The following COL1A1 variants were observed in gnomAD, a reference collection of about 807,000 sequenced individuals.
COL1A1 encodes the protein collagen type I alpha 1 chain.
A neutral mutation model predicts 195.7 loss-of-function variants in COL1A1; 21 were observed. That is an observed-to-expected ratio of 0.11 (90% CI 0.08 to 0.15). The LOEUF (loss-of-function observed/expected upper bound fraction) is 0.15, where lower values mean the gene tolerates loss of function less well. Ranked by LOEUF, COL1A1 falls within the 10% of genes least tolerant of loss-of-function variation. The probability of loss-of-function intolerance (pLI) is 1.00; values close to 1 mark genes in which losing one functional copy is unlikely to be tolerated. For synonymous variants in COL1A1, 749 were observed against 747.3 expected, an observed-to-expected ratio of 1.00 and a Z score of -0.04; for missense variants, 1,365 against 2,051.0, an observed-to-expected ratio of 0.67 and a Z score of 6.46.
chr17:50,200,083 T>A, intron 1 of COL1A1, 136 bp from the exon 2 acceptor site: 1 of 994,442 alleles, frequency 1.0e-6, no homozygotes, highest in Non-Finnish European at 1.6e-6. Flanking sequence ...CTCAAATCCT[T>A]AAAAGCTCGC....
rs1366264998 is a variant in COL1A1 at position 50,190,800 on chromosome 17, G to A, written c.2343+17C>T. ...GGCTATGTGTTAGGGCAGAAGGTGG[G>A]GAGGCGGCCACCTCACCTTGTCACC... On this transcript the variant is annotated intron_variant, in intron 33 of 50. Coordinates refer to ENST00000225964, the MANE Select transcript of COL1A1 (RefSeq NM_000088.4). This position sits in a 1 kb window ranked among gnomAD's most constrained non-coding sequence, Gnocchi z 4.7. 6.2e-7 allele frequency: 1 copy of A among 1,600,840 alleles called. No homozygotes were observed. The highest frequency in any genetic ancestry group is 8.6e-7 in the Non-Finnish European group (1 of 1,168,038).
chr17:50,188,085 A>G lies in COL1A1; in HGVS notation c.3261+11T>C, dbSNP rs1302900837. 1 of 1,611,832 alleles carries G rather than the reference A, an allele frequency of 6.2e-7. No individual in the cohort carries two copies. The highest frequency in any genetic ancestry group is 8.5e-7 in the Non-Finnish European group (1 of 1,178,886). On this transcript the variant is annotated intron_variant, in intron 44 of 50. Transcript: ENST00000225964. The surrounding 1 kb of genome is among the most constrained non-coding windows in gnomAD (Gnocchi z 5.6). The stretch of plus-strand genomic sequence containing the variant: ...GTTCTAAAGGCATGGGGGACACAGC[A>G]GGGTACTTACGGCGGGGCCACGGGC...
chr17:50,195,709 C>T lies in COL1A1; in HGVS notation c.1057-44G>A, dbSNP rs1042326126. ...CATATCAGAAGCCACCCTGGGAAAC[C>T]CAACCTTGCCTCTCGGGATGGCAGG... On this transcript the variant is annotated intron_variant, in intron 16 of 50. Coordinates refer to ENST00000225964, the MANE Select transcript of COL1A1 (RefSeq NM_000088.4). This position sits in a 1 kb window ranked among gnomAD's most constrained non-coding sequence, Gnocchi z 4.3. The T allele has an allele frequency of 1.3e-5, 20 of 1,586,908 alleles. No individual in the cohort carries two copies. Among genetic ancestry groups the T allele is most frequent in the Non-Finnish European group, 1.6e-5 (19 of 1,158,946 alleles).
intron 1 of COL1A1, among the ~76,000 whole-genome samples, chr17:50,200,901 C>A (rs1032204504): frequency 6.6e-6 from 1 of 152,196 alleles, no homozygotes; most frequent in Admixed American, 6.5e-5. Flanking sequence ...GCAAGGACCC[C>A]GCCCCGCCGA....
In COL1A1 at chr17:50,189,954, G is replaced by A; in HGVS notation, c.2560-42C>T. Reference sequence around the variant, plus strand: ...AGGCATCAAGCCTGGACCCGTCCTGGGTCCCAGCCCACCAGCCTCGTGGGC... The same window carrying A: ...AGGCATCAAGCCTGGACCCGTCCTGAGTCCCAGCCCACCAGCCTCGTGGGC... On this transcript the variant is annotated intron_variant, in intron 36 of 50. Transcript: ENST00000225964. The surrounding 1 kb of genome is among the most constrained non-coding windows in gnomAD (Gnocchi z 5.5). 1 of 1,611,144 alleles carries A rather than the reference G, an allele frequency of 6.2e-7. No individual in the cohort carries two copies. The highest frequency in any genetic ancestry group is 8.5e-7 in the Non-Finnish European group (1 of 1,178,652).
In COL1A1 at chr17:50,189,033, GC is replaced by G; in HGVS notation, c.2938-24del. The G allele has an allele frequency of 6.2e-7, 1 of 1,600,638 alleles. No homozygotes were observed. Among genetic ancestry groups the G allele is most frequent in the Non-Finnish European group, 8.6e-7 (1 of 1,167,906 alleles). On this transcript the variant is annotated intron_variant, in intron 40 of 50. Transcript: ENST00000225964. This position sits in a 1 kb window ranked among gnomAD's most constrained non-coding sequence, Gnocchi z 5.5. ...ACCCTAAGGGAGAAGAAAGAGTCAG[GC>G]CAGAGATAGGGTCTGGGAGGACCCT...
rs957537268 is a variant in COL1A1 at position 50,184,875 on chromosome 17, A to G, written c.*627T>C. The G allele has an allele frequency of 4.4e-6, 1 of 229,626 alleles. No homozygotes were observed. Among genetic ancestry groups the G allele is most frequent in the Non-Finnish European group, 8.6e-6 (1 of 115,900 alleles). The allele number at this position is 229,626 out of a possible 1,614,324, so 14.2% of individuals were successfully genotyped here. ...GTGAGGGGCTGGTGGCTCCCCCGGC[A>G]TGACCCCCTCAAAAACGAAGGGGAG... On this transcript the variant is annotated 3_prime_UTR_variant, in exon 51 of 51. Transcript: ENST00000225964.
chr17:50,198,211 G>A lies in COL1A1; in HGVS notation c.544-6C>T. On this transcript the variant is annotated splice_polypyrimidine_tract_variant and splice_region_variant and intron_variant, in intron 6 of 50. Coordinates refer to ENST00000225964, the MANE Select transcript of COL1A1 (RefSeq NM_000088.4). The stretch of plus-strand genomic sequence containing the variant: ...CCACGAGGACCAGAGGGACCCTATA[G>A]AGGGAGAAGAAAGGGGGGTCATGGT... 1.2e-6 allele frequency: 2 copies of A among 1,614,048 alleles called. No individual in the cohort carries two copies. The highest frequency in any genetic ancestry group is 1.7e-6 in the Non-Finnish European group (2 of 1,179,962).
rs1325448394 is a variant in COL1A1 at position 50,186,926 on chromosome 17, CA to C, written c.3532-5del. 2 of 1,613,164 alleles carry C rather than the reference CA, an allele frequency of 1.2e-6. No individual in the cohort carries two copies. Among genetic ancestry groups the C allele is most frequent in the Non-Finnish European group, 1.7e-6 (2 of 1,179,748 alleles). On this transcript the variant is annotated splice_region_variant and splice_polypyrimidine_tract_variant and intron_variant, in intron 47 of 50. Coordinates refer to ENST00000225964, the MANE Select transcript of COL1A1 (RefSeq NM_000088.4). This position sits in a 1 kb window ranked among gnomAD's most constrained non-coding sequence, Gnocchi z 5.3. ...GTCCAGGAGGGCCGGGGGGACCCTG[CA>C]CAGAGAGGGAAGAGAGTGGGGATTA...
chr17:50,195,160 T>G lies in COL1A1; in HGVS notation c.1300-60A>C. The G allele has an allele frequency of 6.2e-7, 1 of 1,607,530 alleles. No homozygotes were observed. Among genetic ancestry groups the G allele is most frequent in the South Asian group, 1.1e-5 (1 of 90,938 alleles). On this transcript the variant is annotated intron_variant, in intron 19 of 50. Transcript: ENST00000225964. The surrounding 1 kb of genome is among the most constrained non-coding windows in gnomAD (Gnocchi z 4.3). ...GGGGGCGCTCAGTTGGCCTGCGTCT[T>G]CCTGCTCCCCAGATGAGAGCCGCAC...
Position 50,188,672 on chromosome 17 carries a change from C to T in COL1A1, c.3100-35G>A, listed in dbSNP as rs141805075. On this transcript the variant is annotated intron_variant, in intron 42 of 50. Coordinates refer to ENST00000225964, the MANE Select transcript of COL1A1 (RefSeq NM_000088.4). The surrounding 1 kb of genome is among the most constrained non-coding windows in gnomAD (Gnocchi z 5.6). ...AGAGCAGGGGAATATGGGTCAGCCC[C>T]GGGTGAAGGGCCAGGATGGGGCAGG... The T allele has an allele frequency of 5.0e-5, 80 of 1,613,268 alleles. No individual in the cohort carries two copies. Among genetic ancestry groups the T allele is most frequent in the African/African-American group, 4.7e-4 (35 of 74,946 alleles).
chr17:50,194,575 T>C lies in COL1A1; in HGVS notation c.1513A>G (p.Lys505Glu). 1 of 1,587,686 alleles carries C rather than the reference T, an allele frequency of 6.3e-7. No homozygotes were observed. Among genetic ancestry groups the C allele is most frequent in the South Asian group, 1.1e-5 (1 of 88,576 alleles). Residue 505 changes from lysine (K) to glutamate (E), a missense_variant and splice_region_variant, in exon 22 of 51, where the codon AAG becomes GAG. Lys to Glu is a moderately conservative substitution (Grantham distance 56). Around this residue, in one of 5 missense-constraint regions of COL1A1, gnomAD observed 671 missense variants for 1,099.9 expected, o/e 0.61. Coordinates refer to ENST00000225964, the MANE Select transcript of COL1A1 (RefSeq NM_000088.4). This position sits in a 1 kb window ranked among gnomAD's most constrained non-coding sequence, Gnocchi z 6.8. Reference sequence around the variant, plus strand: ...CCCCGGCCGCAAGGAGAGGTTACCTTGGGACCAGCAACACCATCTGCGCCA... The same window carrying C: ...CCCCGGCCGCAAGGAGAGGTTACCTCGGGACCAGCAACACCATCTGCGCCA... ...FPGADGVAGP[K>E]GPAGERGSPG...
chr17:50,191,575 GCTTGTTTCCAAGGCCAA>G (rs1907081089), intron 31 of COL1A1, 85 bp from the exon 32 acceptor site: 3 of 1,359,264 alleles, frequency 2.2e-6, no homozygotes. Context: ...TATCTCCCAG[GCTTGTTTCCAAGGCCAA>G]CGACAAGCCT....
chr17:50,194,682 A>G lies in COL1A1; in HGVS notation c.1461+39T>C, dbSNP rs1425721527. 6.4e-7 allele frequency: 1 copy of G among 1,557,130 alleles called. No homozygotes were observed. The highest frequency in any genetic ancestry group is 8.7e-7 in the Non-Finnish European group (1 of 1,149,442). On this transcript the variant is annotated intron_variant, in intron 21 of 50. Coordinates refer to ENST00000225964, the MANE Select transcript of COL1A1 (RefSeq NM_000088.4). This position sits in a 1 kb window ranked among gnomAD's most constrained non-coding sequence, Gnocchi z 6.8. Reference sequence around the variant, plus strand: ...GCGACACACAGGCACCAGCCAGGCAATGAGGGTGGAGCGGGAGGGGGCGGG... The same window carrying G: ...GCGACACACAGGCACCAGCCAGGCAGTGAGGGTGGAGCGGGAGGGGGCGGG...
chr17:50,187,592 G>A (rs1906666228), intron 45 of COL1A1, 55 bp from the exon 46 acceptor site: 1 of 1,592,608 alleles, frequency 6.3e-7, no homozygotes, highest in Admixed American at 1.7e-5. Context: ...AATGTAGCCT[G>A]AGGGCCTGGC....
At position 50,189,627 on chromosome 17, in the gene COL1A1, C is replaced by A; in HGVS notation, c.2667+52G>T. 6.2e-7 allele frequency: 1 copy of A among 1,612,728 alleles called. No individual in the cohort carries two copies. On this transcript the variant is annotated intron_variant, in intron 38 of 50. Coordinates refer to ENST00000225964, the MANE Select transcript of COL1A1 (RefSeq NM_000088.4). This position sits in a 1 kb window ranked among gnomAD's most constrained non-coding sequence, Gnocchi z 5.5. ...TCAGCCCCACCATCCTTCTGGCAGC[C>A]CCCACCCAGCACCCCCAACCTAGAG...
Position 50,189,819 on chromosome 17 carries a change from G to A in COL1A1, c.2613+40C>T. On this transcript the variant is annotated intron_variant, in intron 37 of 50. Coordinates refer to ENST00000225964, the MANE Select transcript of COL1A1 (RefSeq NM_000088.4). The surrounding 1 kb of genome is among the most constrained non-coding windows in gnomAD (Gnocchi z 5.5). Reference sequence around the variant, plus strand: ...CCCTCACCTGCCACCGCTGCCTGGGGAGAGGGGAGAGGCTCAACAGAGAGG... The same window carrying A: ...CCCTCACCTGCCACCGCTGCCTGGGAAGAGGGGAGAGGCTCAACAGAGAGG... 6.2e-7 allele frequency: 1 copy of A among 1,612,402 alleles called. No homozygotes were observed. Among genetic ancestry groups the A allele is most frequent in the Non-Finnish European group, 8.5e-7 (1 of 1,179,076 alleles).
intron 8 of COL1A1, 39 bp downstream of exon 8, chr17:50,197,909 GT>G (rs1907737265): frequency 6.2e-7 from 1 of 1,607,944 alleles, no homozygotes; most frequent in Admixed American, 1.7e-5. Flanking sequence ...GAGTCTGTGT[GT>G]TTGTAGAAGG....
chr17:50,197,529 G>A (rs1273389918), intron 9 of COL1A1, among the ~76,000 whole-genome samples: 1 of 152,242 alleles, frequency 6.6e-6, no homozygotes, highest in Non-Finnish European at 1.5e-5. Context: ...GGTGGCTGGG[G>A]TGAGGAGAAC....
Sources: allele counts gnomAD v4.1 joint callset (sites outside exome capture counted in the v4.1 genomes callset), GRCh38; gene constraint gnomAD v4.1.1; regional missense constraint gnomAD v4.1.1; non-coding constraint Gnocchi (gnomAD v3.1); transcripts MANE v1.5; gene names NCBI Gene and HGNC (gene_info 2026-07-23, HGNC 2026-07-21).